Variants in ZNF700 observed in about 807,000 individuals in gnomAD.
ZNF700 encodes the protein zinc finger protein 700.
A neutral mutation model predicts 65.3 loss-of-function variants in ZNF700; 38 were observed. The ratio of observed to expected loss-of-function variants is 0.58; its 90% CI spans 0.45 to 0.76. The LOEUF is 0.76. ZNF700 is among the 30% of genes least tolerant of loss of function. The pLI, the probability that ZNF700 is intolerant of heterozygous loss-of-function variation, is 0.00. For missense variants in ZNF700, 857 were observed against 888.4 expected, an observed-to-expected ratio of 0.96 and a Z score of 0.45; for synonymous variants, 285 against 290.4, an observed-to-expected ratio of 0.98 and a Z score of 0.19.
intron 1 of ZNF700, among the ~76,000 whole-genome samples, chr19:11,944,928 G>T (rs1972937620): frequency 6.6e-6 from 1 of 152,184 alleles, no homozygotes; most frequent in Non-Finnish European, 1.5e-5. Flanking sequence ...AGCAGCTGTG[G>T]CACAGCTACT....
intron 1 of ZNF700, among the ~76,000 whole-genome samples, chr19:11,928,103 C>G (rs1229200098): frequency 6.6e-6 from 1 of 152,060 alleles, no homozygotes; most frequent in Non-Finnish European, 1.5e-5. Context: ...TCAAGCACCT[C>G]CGCCTCTCAA....
chr19:11,925,364 G>A, intron 1 of ZNF700, 91 bp downstream of exon 1: 12 of 1,564,484 alleles, frequency 7.7e-6, no homozygotes, highest in Non-Finnish European at 1.0e-5. Flanking sequence ...GCCTCCCTGT[G>A]GGCGACTCCG....
At position 11,947,497 on chromosome 19, in the gene ZNF700, C is replaced by G. The variant is rs370270262; in HGVS notation, c.191-17C>G. On this transcript the variant is annotated splice_polypyrimidine_tract_variant and intron_variant, in intron 2 of 3. Transcript: ENST00000254321. ...TTTATACTGCTTCAGGACTATTTTT[C>G]TGTGTCTGTATTTTAGGAAAAAAAT... 7.2e-5 allele frequency: 116 copies of G among 1,610,844 alleles called. No homozygotes were observed. Among genetic ancestry groups the G allele is most frequent in the Non-Finnish European group, 9.5e-5 (112 of 1,179,080 alleles).
At chr19:11,929,534 T>C (rs1972683298) in intron 1 of ZNF700, among the ~76,000 whole-genome samples, 1 of 148,264 alleles carries the variant, frequency 6.7e-6, no homozygotes, top group African/African-American at 2.6e-5. Flanking sequence ...AATAGGTAAA[T>C]TGTGCCTGAT....
rs181117467 is a variant in ZNF700 at position 11,949,866 on chromosome 19, C to T, written c.1842C>T (p.His614=). 2 of 1,614,058 alleles carry T rather than the reference C, an allele frequency of 1.2e-6. No individual in the cohort carries two copies. Among genetic ancestry groups the T allele is most frequent in the East Asian group, 2.2e-5 (1 of 44,842 alleles). The change falls in exon 4 of 4, where the codon CAC becomes CAT. Residue 614 remains histidine, a synonymous_variant. Transcript: ENST00000254321. ...ASNLRKHGRT[H]TGEKPYECKQ... is the part of the protein sequence containing the mutation. ...ACCTTCGAAAGCATGGTAGGACTCACACTGGAGAGAAACCCTATGAGTGTA... is the reference window on the plus strand; with the variant it reads ...ACCTTCGAAAGCATGGTAGGACTCATACTGGAGAGAAACCCTATGAGTGTA...
Position 11,949,418 on chromosome 19 carries a change from G to T in ZNF700, c.1394G>T (p.Gly465Val), listed in dbSNP as rs879032857. 6.2e-7 allele frequency: 1 copy of T among 1,609,912 alleles called. No homozygotes were observed. Among genetic ancestry groups the T allele is most frequent in the Non-Finnish European group, 8.5e-7 (1 of 1,178,890 alleles). ...TCTACCTCACACCTTCGAGTGCATG[G>T]TAGGACTCATACTGGAGAGAAACCC... is the stretch of plus-strand genomic sequence containing the variant. Reference protein sequence around the residue: ...FRSTSHLRVHGRTHTGEKPYE... With the variant: ...FRSTSHLRVHVRTHTGEKPYE... Residue 465 changes from glycine to valine, a missense_variant, in exon 4 of 4, where the codon GGT (glycine) becomes GTT (valine). By Grantham distance (109) the Gly-to-Val change is moderately radical (BLOSUM62 -3). This residue lies in a region of ZNF700 where 603 missense variants were observed against 619.9 expected (regional missense o/e 0.97). Transcript: ENST00000254321.
intron 1 of ZNF700, among the ~76,000 whole-genome samples, chr19:11,939,096 G>A (rs1236851610): frequency 1.3e-5 from 2 of 152,126 alleles, no homozygotes; most frequent in Non-Finnish European, 2.9e-5. Flanking sequence ...TTGTAAATTT[G>A]TTTAAGTTCT....
intron 1 of ZNF700, among the ~76,000 whole-genome samples, chr19:11,925,964 A>T (rs1972620977): frequency 6.6e-6 from 1 of 152,146 alleles, no homozygotes; most frequent in Non-Finnish European, 1.5e-5. Flanking sequence ...TGTAAGTTCC[A>T]TTGGCAGAAA....
At chr19:11,942,188 C>G (rs1972895761) in intron 1 of ZNF700, among the ~76,000 whole-genome samples, 1 of 150,626 alleles carries the variant, frequency 6.6e-6, no homozygotes, top group South Asian at 2.1e-4. Flanking sequence ...CTGCTTATAT[C>G]TAGCATGCCT....
chr19:11,946,278 C>G (rs1015180749), intron 1 of ZNF700, among the ~76,000 whole-genome samples: 1 of 152,092 alleles, frequency 6.6e-6, no homozygotes, highest in Non-Finnish European at 1.5e-5. Context: ...CTTGTCTGTT[C>G]TGGGTGGTCT....
chr19:11,950,261 C>A lies in ZNF700; in HGVS notation c.*8C>A. The A allele has an allele frequency of 1.2e-6, 2 of 1,601,328 alleles. No homozygotes were observed. Among genetic ancestry groups the A allele is most frequent in the African/African-American group, 1.4e-5 (1 of 73,954 alleles). On this transcript the variant is annotated 3_prime_UTR_variant, in exon 4 of 4. Coordinates refer to ENST00000254321, the MANE Select transcript of ZNF700 (RefSeq NM_144566.3). ...GGGAAAGCATTCAGCTAGCCTGGTTCCTTTTATGGACATGAATAGACTCAC... is the reference window on the plus strand; with the variant it reads ...GGGAAAGCATTCAGCTAGCCTGGTTACTTTTATGGACATGAATAGACTCAC...
At chr19:11,936,076 A>C (rs988364430) in intron 1 of ZNF700, among the ~76,000 whole-genome samples, 3 of 152,152 alleles carry the variant, frequency 2.0e-5, no homozygotes, top group Admixed American at 6.5e-5. Flanking sequence ...CATGGTGTAT[A>C]TATGCCACAT....
At position 11,948,523 on chromosome 19, in the gene ZNF700, C is replaced by A; in HGVS notation, c.499C>A (p.Gln167Lys). The change falls in exon 4 of 4, where the codon CAA becomes AAA. Residue 167 changes from glutamine (Q) to lysine (K), a missense_variant. Gln to Lys is a moderately conservative substitution (Grantham distance 53, BLOSUM62 1). Transcript: ENST00000254321. ...ATATGGACCAAAGCCATATAAGTGT[C>A]AACAACCTAAAAATAAGAAAGCCTT... ...QEYGPKPYKC[Q>K]QPKNKKAFRY... is the part of the protein sequence containing the mutation. 6.2e-7 allele frequency: 1 copy of A among 1,611,506 alleles called. No individual in the cohort carries two copies. Among genetic ancestry groups the A allele is most frequent in the South Asian group, 1.1e-5 (1 of 90,342 alleles).
At chr19:11,932,634 G>A (rs1265521538) in intron 1 of ZNF700, among the ~76,000 whole-genome samples, 7 of 121,594 alleles carry the variant, frequency 5.8e-5, no homozygotes, top group Non-Finnish European at 9.7e-5. Flanking sequence ...ACCAATATGT[G>A]ATTTTTTTTT....
chr19:11,950,511 T>TA lies in ZNF700; in HGVS notation c.*259dup, dbSNP rs1973050749. 1.7e-6 allele frequency: 1 copy of TA among 582,440 alleles called. No homozygotes were observed. Among genetic ancestry groups the TA allele is most frequent in the Non-Finnish European group, 3.2e-6 (1 of 309,448 alleles). The allele number at this position is 582,440 out of a possible 1,614,324, so 36.1% of individuals were successfully genotyped here. On this transcript the variant is annotated 3_prime_UTR_variant, in exon 4 of 4. Coordinates refer to ENST00000254321, the MANE Select transcript of ZNF700 (RefSeq NM_144566.3). The stretch of plus-strand genomic sequence containing the variant: ...TTCCGTTTGATATCATGAAAGGACT[T>TA]ACACTGGAGTGAAACCCTATGAATG...
At chr19:11,937,492 T>C (rs867365650) in intron 1 of ZNF700, among the ~76,000 whole-genome samples, 2,672 of 122,112 alleles carry the variant, frequency 0.022, 118 homozygotes, top group African/African-American at 0.078. Flanking sequence ...TTTCTTTCCT[T>C]TTTTTTTTTT....
Position 11,948,593 on chromosome 19 carries a change from G to A in ZNF700, c.569G>A (p.Gly190Glu). Residue 190 changes from glycine to glutamate, a missense_variant, in exon 4 of 4, where the codon GGA becomes GAA. By Grantham distance (98) the Gly-to-Glu change is moderately conservative. This residue lies in a region of ZNF700 where 603 missense variants were observed against 619.9 expected (regional missense o/e 0.97). Coordinates refer to ENST00000254321, the MANE Select transcript of ZNF700 (RefSeq NM_144566.3). ...SIRTQERDHT[G>E]EKPYACKVCG... ...AGAACACAAGAAAGGGATCACACTG[G>A]AGAGAAACCCTATGCTTGTAAAGTC... 1 of 1,608,192 alleles carries A rather than the reference G, an allele frequency of 6.2e-7. No homozygotes were observed. The highest frequency in any genetic ancestry group is 1.1e-5 in the South Asian group (1 of 89,852).
At chr19:11,933,038 G>T (rs1204312779) in intron 1 of ZNF700, among the ~76,000 whole-genome samples, 2 of 148,278 alleles carry the variant, frequency 1.3e-5, no homozygotes, top group African/African-American at 5.3e-5. Context: ...TTATTATTTA[G>T]AACAGTGGTT....
intron 3 of ZNF700, among the ~76,000 whole-genome samples, chr19:11,947,957 C>T (rs1225985332): frequency 6.6e-6 from 1 of 152,174 alleles, no homozygotes; most frequent in Non-Finnish European, 1.5e-5. Context: ...CTGCAGTAAG[C>T]TATGATGATA....
Sources: gnomAD v4.1 joint callset for allele counts (sites outside exome capture counted in the v4.1 genomes callset) on GRCh38, gnomAD v4.1.1 for gene constraint, gnomAD v4.1.1 regional missense constraint, MANE v1.5 for transcripts, NCBI Gene and HGNC (gene_info 2026-07-23, HGNC 2026-07-21) for gene names.